CBFA2T3: variants seen among roughly 807,000 people sequenced by gnomAD.
CBFA2T3 encodes transcriptional corepressor CBFA2T3.
Under a neutral mutation model 58.6 loss-of-function variants are expected in CBFA2T3, and 31 were observed. The observed-to-expected ratio is 0.53, with a 90% CI of 0.40 to 0.71. CBFA2T3 has a LOEUF of 0.71. Among genes scored for constraint, CBFA2T3 ranks in the 30% least tolerant of loss-of-function variants. The probability of loss-of-function intolerance (pLI) is 0.00; values close to 1 mark genes in which losing one functional copy is unlikely to be tolerated. For synonymous variants in CBFA2T3, 531 were observed against 421.9 expected (o/e 1.26, Z -3.17); for missense variants, 1,076 against 963.1 (o/e 1.12, Z -1.55).
chr16:88,910,794 C>T (rs963807699), intron 1 of CBFA2T3, among the ~76,000 whole-genome samples: 6 of 152,308 alleles, frequency 3.9e-5, no homozygotes, highest in Middle Eastern at 3.4e-3. Flanking sequence ...AGTGAAGGGA[C>T]GTGGGGCCCC....
At position 88,908,992 on chromosome 16, in the gene CBFA2T3, G is replaced by A. The variant is rs1476742515; in HGVS notation, c.152-7336C>T. Among the ~76,000 whole-genome samples, 4 of 149,302 alleles carry A rather than the reference G, an allele frequency of 2.7e-5. No individual in the cohort carries two copies. In the South Asian group the frequency reaches 8.3e-4, roughly 31 times the overall value. ...GGCTCTGGATCCGATCCTCTCCGTG[G>A]GTTTGGAATATGCTCCCGGGGAGCG... On this transcript the variant is annotated intron_variant, in intron 1 of 11. Coordinates refer to ENST00000268679, the MANE Select transcript of CBFA2T3 (RefSeq NM_005187.6).
intron 1 of CBFA2T3, 66 bp downstream of exon 1, chr16:88,976,591 T>A: frequency 7.9e-7 from 1 of 1,263,076 alleles, no homozygotes. Flanking sequence ...CTCTAAGGAG[T>A]CACAGCCCCG....
At chr16:88,890,663 G>A (rs1418782853) in intron 5 of CBFA2T3, among the ~76,000 whole-genome samples, 2 of 152,236 alleles carry the variant, frequency 1.3e-5, no homozygotes, top group African/African-American at 4.8e-5. Flanking sequence ...CGTCCCGTCT[G>A]TGTGTGCGTG....
intron 1 of CBFA2T3, among the ~76,000 whole-genome samples, chr16:88,969,245 T>C (rs1020248926): frequency 1.3e-5 from 2 of 152,178 alleles, no homozygotes; most frequent in Non-Finnish European, 1.5e-5. Context: ...CTCAGGTCTG[T>C]GAAGTCGGGA....
chr16:88,894,537 GCA>G (rs1404269167), intron 3 of CBFA2T3, among the ~76,000 whole-genome samples: 3 of 123,008 alleles, frequency 2.4e-5, no homozygotes, highest in Non-Finnish European at 3.3e-5. Flanking sequence ...ATATACACAT[GCA>G]CACAATGTAC....
chr16:88,880,760 G>C lies in CBFA2T3; in HGVS notation c.1431C>G (p.Thr477=). The change falls in exon 10 of 12, where the codon ACC becomes ACG. Residue 477 remains threonine (T), a synonymous_variant. Transcript: ENST00000268679. ...LDVPREFLPR[T]LTGYVPEDIW... ...TGTCCTCAGGCACGTAGCCGGTGAGGGTCCTCGGCAGGAACTCGCGAGGCA... is the reference window on the plus strand; with the variant it reads ...TGTCCTCAGGCACGTAGCCGGTGAGCGTCCTCGGCAGGAACTCGCGAGGCA... 3.2e-6 allele frequency: 5 copies of C among 1,584,142 alleles called. No homozygotes were observed. Among genetic ancestry groups the C allele is most frequent in the Non-Finnish European group, 4.3e-6 (5 of 1,164,776 alleles).
intron 1 of CBFA2T3, chr16:88,941,301 A>T (rs1971721257): frequency 2.6e-6 from 1 of 390,114 alleles, no homozygotes; most frequent in South Asian, 9.6e-5. Context: ...CGCCGGGTCC[A>T]GCCGCCGCGC....
At chr16:88,913,711 G>GTCC (rs1277753401) in intron 1 of CBFA2T3, among the ~76,000 whole-genome samples, 1 of 152,214 alleles carries the variant, frequency 6.6e-6, no homozygotes, top group Non-Finnish European at 1.5e-5. Flanking sequence ...TGCACAAACA[G>GTCC]TGATCTACAA....
intron 8 of CBFA2T3, among the ~76,000 whole-genome samples, chr16:88,882,049 G>A (rs908647105): frequency 2.0e-5 from 3 of 152,268 alleles, no homozygotes; most frequent in Non-Finnish European, 4.4e-5. Flanking sequence ...GTAAGTGGAG[G>A]GAAGCAAGGC....
chr16:88,975,246 G>A (rs73256258), intron 1 of CBFA2T3, among the ~76,000 whole-genome samples: 6,287 of 52,164 alleles, frequency 0.12, 315 homozygotes, highest in African/African-American at 0.2. Context: ...TCAGAGGCCC[G>A]CCCTGACCCT....
At chr16:88,936,308 C>G (rs1444692115) in intron 1 of CBFA2T3, among the ~76,000 whole-genome samples, 1 of 152,178 alleles carries the variant, frequency 6.6e-6, no homozygotes, top group Non-Finnish European at 1.5e-5. Flanking sequence ...TGTGGACTTT[C>G]CTCTGCTGAG....
At chr16:88,896,512 C>T (rs1019586344) in intron 3 of CBFA2T3, among the ~76,000 whole-genome samples, 1 of 152,188 alleles carries the variant, frequency 6.6e-6, no homozygotes, top group Non-Finnish European at 1.5e-5. Context: ...CCTTCTGAGC[C>T]TCTGTCCGGA....
At chr16:88,920,898 G>T (rs866661024) in intron 1 of CBFA2T3, among the ~76,000 whole-genome samples, 1 of 152,290 alleles carries the variant, frequency 6.6e-6, no homozygotes, top group Non-Finnish European at 1.5e-5. Context: ...ACATTAAACA[G>T]CAGGGCCAAA....
chr16:88,906,724 C>T (rs907248263), intron 1 of CBFA2T3, among the ~76,000 whole-genome samples: 1 of 152,226 alleles, frequency 6.6e-6, no homozygotes, highest in African/African-American at 2.4e-5. Context: ...TCACTACGCC[C>T]ACTTTCTAGA....
intron 1 of CBFA2T3, among the ~76,000 whole-genome samples, chr16:88,933,947 G>GAA (rs11373045): frequency 2.2e-5 from 3 of 137,478 alleles, no homozygotes; most frequent in East Asian, 2.2e-4. Flanking sequence ...CGGGAGAGCT[G>GAA]AAAAAAAAAT....
chr16:88,878,890 G>A (rs1968948153), intron 11 of CBFA2T3, among the ~76,000 whole-genome samples: 1 of 152,226 alleles, frequency 6.6e-6, no homozygotes, highest in African/African-American at 2.4e-5. Flanking sequence ...AGGTTGTAAT[G>A]AGCCGAGGTC....
chr16:88,935,776 C>A (rs189291636), intron 1 of CBFA2T3, among the ~76,000 whole-genome samples: 46 of 152,336 alleles, frequency 3.0e-4, no homozygotes, highest in Admixed American at 2.6e-3. Flanking sequence ...CACCGGGTGT[C>A]CCCCCAGAAA....
intron 1 of CBFA2T3, among the ~76,000 whole-genome samples, chr16:88,963,352 T>TAA: frequency 6.7e-6 from 1 of 148,874 alleles, no homozygotes; most frequent in Non-Finnish European, 1.5e-5. Context: ...TTTTTTTTTT[T>TAA]AAGAATGTTA....
intron 1 of CBFA2T3, among the ~76,000 whole-genome samples, chr16:88,933,692 C>T: frequency 1.2e-5 from 1 of 82,998 alleles, no homozygotes; most frequent in Admixed American, 1.2e-4. Context: ...CTATACGCCT[C>T]ACACGCCTCA....
Sources: gnomAD v4.1 joint callset for allele counts (sites outside exome capture counted in the v4.1 genomes callset) on GRCh38, gnomAD v4.1.1 for gene constraint, MANE v1.5 for transcripts, NCBI Gene and HGNC (gene_info 2026-07-23, HGNC 2026-07-21) for gene names.